DGKB: variants seen among roughly 807,000 people sequenced by gnomAD.
DGKB encodes 90 kDa diacylglycerol kinase.
In DGKB, 67 loss-of-function variants were observed where a neutral mutation model predicts 114.3. The ratio of observed to expected loss-of-function variants is 0.59; its 90% confidence interval spans 0.48 to 0.72. The LOEUF is 0.72. DGKB is among the 30% of genes least tolerant of loss of function. DGKB has a pLI of 0.00. For missense variants in DGKB, 907 were observed against 975.2 expected (o/e 0.93, Z 0.93); for synonymous variants, 398 against 323.1 (o/e 1.23, Z -2.49).
intron 20 of DGKB, among the ~76,000 whole-genome samples, chr7:14,492,438 G>A (rs1784723744): frequency 6.6e-6 from 1 of 151,974 alleles, no homozygotes; most frequent in Non-Finnish European, 1.5e-5. Flanking sequence ...TAAAATATTT[G>A]CTCATGTTTT....
chr7:14,368,562 C>A (rs573045516), intron 21 of DGKB, among the ~76,000 whole-genome samples: 2 of 138,182 alleles, frequency 1.4e-5, no homozygotes, highest in South Asian at 4.9e-4. Context: ...CAGATGCAAA[C>A]GGTATTTTCT....
chr7:14,315,130 A>G (rs1393882998), intron 23 of DGKB, among the ~76,000 whole-genome samples: 3 of 146,342 alleles, frequency 2.0e-5, no homozygotes, highest in Non-Finnish European at 1.5e-5. Flanking sequence ...CTCCTGAAGG[A>G]AGCGCTAAAC....
intron 13 of DGKB, among the ~76,000 whole-genome samples, chr7:14,671,292 G>A (rs1007128968): frequency 6.6e-6 from 1 of 151,966 alleles, no homozygotes; most frequent in African/African-American, 2.4e-5. Flanking sequence ...CAGGAGTGAG[G>A]TATAATGGAA....
chr7:14,700,122 TA>T (rs1467937535), intron 7 of DGKB, among the ~76,000 whole-genome samples: 9 of 151,876 alleles, frequency 5.9e-5, no homozygotes, highest in African/African-American at 1.7e-4. Flanking sequence ...AATGGCACCA[TA>T]AAATGAGCAA....
chr7:14,417,372 T>A (rs1825872984), intron 21 of DGKB, among the ~76,000 whole-genome samples: 2 of 152,026 alleles, frequency 1.3e-5, no homozygotes, highest in African/African-American at 2.4e-5. Flanking sequence ...TCAAGAAATA[T>A]AACAAAAAGT....
chr7:14,850,761 C>T (rs757821525), intron 1 of DGKB, among the ~76,000 whole-genome samples: 3 of 152,134 alleles, frequency 2.0e-5, no homozygotes, highest in Non-Finnish European at 4.4e-5. Flanking sequence ...TTGCATATTA[C>T]TATTCATTAA....
chr7:14,741,668 C>G (rs181971533), intron 4 of DGKB, among the ~76,000 whole-genome samples: 2 of 152,304 alleles, frequency 1.3e-5, no homozygotes, highest in Non-Finnish European at 2.9e-5. Flanking sequence ...TTTCTCTGAG[C>G]TACACTTAGA....
chr7:14,296,501 A>G (rs1421776378), intron 23 of DGKB, among the ~76,000 whole-genome samples: 1 of 152,122 alleles, frequency 6.6e-6, no homozygotes, highest in Non-Finnish European at 1.5e-5. Flanking sequence ...ACGATTTATA[A>G]TCCTTTGGGT....
At chr7:14,731,633 T>A (rs1830938598) in intron 5 of DGKB, among the ~76,000 whole-genome samples, 1 of 152,164 alleles carries the variant, frequency 6.6e-6, no homozygotes, top group South Asian at 2.1e-4. Context: ...TTGTAGGGAC[T>A]GATATGGGAG....
chr7:14,810,351 A>T (rs911717315), intron 2 of DGKB, among the ~76,000 whole-genome samples: 4 of 151,616 alleles, frequency 2.6e-5, no homozygotes, highest in African/African-American at 9.7e-5. Flanking sequence ...CTTGACTCTC[A>T]TTGTTATTCT....
chr7:14,429,610 A>G (rs1828113610), intron 21 of DGKB, among the ~76,000 whole-genome samples: 1 of 152,126 alleles, frequency 6.6e-6, no homozygotes, highest in Admixed American at 6.6e-5. Context: ...TTTCCACTTT[A>G]TAGTGGATGC....
intron 23 of DGKB, among the ~76,000 whole-genome samples, chr7:14,207,690 A>G (rs1401530784): frequency 6.6e-6 from 1 of 152,020 alleles, no homozygotes; most frequent in Non-Finnish European, 1.5e-5. Flanking sequence ...TACAAGTAAA[A>G]ATCCTGACTG....
At chr7:14,520,713 TC>T (rs1272165212) in intron 20 of DGKB, among the ~76,000 whole-genome samples, 1 of 152,074 alleles carries the variant, frequency 6.6e-6, no homozygotes, top group Non-Finnish European at 1.5e-5. Flanking sequence ...CTTTTTATAT[TC>T]ATTGAGACTT....
At position 14,178,163 on chromosome 7, in the gene DGKB, T is replaced by G. The variant is rs76810736; in HGVS notation, c.2123-12A>C. ...CTGGTCACTGAGATCTGAAAGAAAGTAGATGCCTTTTAAGTTGCAATGTGT... is the reference window on the plus strand; with the variant it reads ...CTGGTCACTGAGATCTGAAAGAAAGGAGATGCCTTTTAAGTTGCAATGTGT... On this transcript the variant is annotated splice_polypyrimidine_tract_variant and intron_variant, in intron 23 of 25. Transcript: ENST00000402815. The G allele has an allele frequency of 6.2e-7, 1 of 1,612,342 alleles. No individual in the cohort carries two copies. The highest frequency in any genetic ancestry group is 8.5e-7 in the Non-Finnish European group (1 of 1,179,288).
At chr7:14,571,149 A>T (rs938214821) in intron 20 of DGKB, among the ~76,000 whole-genome samples, 1 of 152,000 alleles carries the variant, frequency 6.6e-6, no homozygotes, top group Non-Finnish European at 1.5e-5. Context: ...CAAAGCATAT[A>T]AAAAAAATGA....
intron 23 of DGKB, among the ~76,000 whole-genome samples, chr7:14,224,432 T>C (rs1454534370): frequency 6.6e-6 from 1 of 151,982 alleles, no homozygotes; most frequent in Non-Finnish European, 1.5e-5. Flanking sequence ...ATTTCTTACT[T>C]CTGTGTACTT....
chr7:14,688,807 T>C (rs1327617386), intron 9 of DGKB, among the ~76,000 whole-genome samples: 2 of 131,208 alleles, frequency 1.5e-5, no homozygotes, highest in Non-Finnish European at 3.3e-5. Flanking sequence ...TCTAAAGTTT[T>C]AGTTTTTCCA....
At chr7:14,622,224 T>C (rs962504171) in intron 14 of DGKB, among the ~76,000 whole-genome samples, 7 of 152,090 alleles carry the variant, frequency 4.6e-5, no homozygotes, top group Non-Finnish European at 1.0e-4. Context: ...CTTTGAAAAC[T>C]TGCCTCACGT....
At chr7:14,814,185 T>A (rs1277604034) in intron 2 of DGKB, 3 of 152,282 alleles carry the variant, frequency 2.0e-5, no homozygotes, top group African/African-American at 2.4e-5. Flanking sequence ...TATAAAAGGA[T>A]ATCCTTCAGA....
Sources: gnomAD v4.1 joint callset for allele counts (sites outside exome capture counted in the v4.1 genomes callset) on GRCh38, gnomAD v4.1.1 for gene constraint, MANE v1.5 for transcripts, NCBI Gene and HGNC (gene_info 2026-07-23, HGNC 2026-07-21) for gene names.